SCN8A: variants seen among roughly 807,000 people sequenced by gnomAD.
SCN8A encodes the protein sodium voltage-gated channel alpha subunit 8.
A neutral mutation model predicts 184.1 loss-of-function variants in SCN8A; 30 were observed. The observed-to-expected ratio is 0.16, with a 90% CI of 0.12 to 0.22. SCN8A has a LOEUF of 0.22. Among genes scored for constraint, SCN8A ranks in the 10% least tolerant of loss-of-function variants. SCN8A has a pLI of 1.00. For missense variants in SCN8A, 1,057 were observed against 2,498.9 expected, an observed-to-expected ratio of 0.42 and a Z score of 12.30; for synonymous variants, 852 against 907.0, an observed-to-expected ratio of 0.94 and a Z score of 1.09.
chr12:51,791,365 C>G (rs1938247644), intron 25 of SCN8A, among the ~76,000 whole-genome samples: 1 of 152,188 alleles, frequency 6.6e-6, no homozygotes, highest in Admixed American at 6.5e-5. Flanking sequence ...GGTACATCTA[C>G]CGCATCAACT....
At chr12:51,618,173 A>G (rs879596658) in intron 1 of SCN8A, among the ~76,000 whole-genome samples, 1 of 152,094 alleles carries the variant, frequency 6.6e-6, no homozygotes, top group Middle Eastern at 3.2e-3. Context: ...TCAACGAAGC[A>G]AGGGAGGCTT....
chr12:51,716,114 G>T (rs1176667876), intron 11 of SCN8A, among the ~76,000 whole-genome samples: 1 of 152,174 alleles, frequency 6.6e-6, no homozygotes, highest in Non-Finnish European at 1.5e-5. Context: ...CGGGAGGATT[G>T]CTTTAGCCCA....
At chr12:51,755,792 C>G (rs1296664504) in intron 14 of SCN8A, among the ~76,000 whole-genome samples, 2 of 152,150 alleles carry the variant, frequency 1.3e-5, no homozygotes, top group East Asian at 1.9e-4. Context: ...TCCAACACTT[C>G]AAGATTCTTT....
chr12:51,717,767 C>T (rs1310992126), intron 11 of SCN8A, among the ~76,000 whole-genome samples: 1 of 152,218 alleles, frequency 6.6e-6, no homozygotes, highest in Non-Finnish European at 1.5e-5. Flanking sequence ...CTCCTTCTCT[C>T]TGGTACAAGG....
chr12:51,758,738 T>C (rs1293068276), intron 14 of SCN8A, among the ~76,000 whole-genome samples: 1 of 152,192 alleles, frequency 6.6e-6, no homozygotes, highest in African/African-American at 2.4e-5. Context: ...GTGCCTGGCC[T>C]CATGTCTGGT....
At chr12:51,696,215 A>G (rs1941590289) in intron 6 of SCN8A, among the ~76,000 whole-genome samples, 1 of 152,228 alleles carries the variant, frequency 6.6e-6, no homozygotes, top group Non-Finnish European at 1.5e-5. Flanking sequence ...AGATGGCTGT[A>G]TAGGCTTCAT....
intron 26 of SCN8A, among the ~76,000 whole-genome samples, chr12:51,801,696 G>T (rs992961663): frequency 6.6e-6 from 1 of 152,092 alleles, no homozygotes; most frequent in Admixed American, 6.6e-5. Context: ...TCCTTCCACC[G>T]TTGTCCTGCA....
At chr12:51,716,529 C>A (rs141584239) in intron 11 of SCN8A, among the ~76,000 whole-genome samples, 11 of 152,076 alleles carry the variant, frequency 7.2e-5, no homozygotes, top group African/African-American at 2.4e-4. Flanking sequence ...TAAAGACCTG[C>A]GGTAGGGTGG....
chr12:51,735,747 G>T (rs912198615), intron 12 of SCN8A, among the ~76,000 whole-genome samples: 2 of 152,238 alleles, frequency 1.3e-5, no homozygotes, highest in African/African-American at 4.8e-5. Flanking sequence ...GCAACCGGGG[G>T]GTCCTCGGGA....
At chr12:51,691,680 AC>A (rs1392672654) in intron 6 of SCN8A, among the ~76,000 whole-genome samples, 1 of 152,180 alleles carries the variant, frequency 6.6e-6, no homozygotes, top group Non-Finnish European at 1.5e-5. Flanking sequence ...GTGGAAAATA[AC>A]ATTAAGGGAT....
At chr12:51,803,535 C>T (rs1271892290) in intron 26 of SCN8A, among the ~76,000 whole-genome samples, 1 of 152,054 alleles carries the variant, frequency 6.6e-6, no homozygotes, top group Non-Finnish European at 1.5e-5. Flanking sequence ...AAACCACCTA[C>T]AGTACCCCTT....
At chr12:51,652,354 T>G (rs1336684077) in intron 1 of SCN8A, among the ~76,000 whole-genome samples, 1 of 152,172 alleles carries the variant, frequency 6.6e-6, no homozygotes, top group Non-Finnish European at 1.5e-5. Flanking sequence ...TACAATAGTC[T>G]TCTTCCTGGT....
intron 13 of SCN8A, 137 bp from the exon 14 acceptor site, chr12:51,751,218 A>T: frequency 1.5e-6 from 1 of 648,698 alleles, no homozygotes. Context: ...GAGAGAAGGA[A>T]AACACTTAGG....
intron 6 of SCN8A, among the ~76,000 whole-genome samples, chr12:51,693,435 C>T (rs150445833): frequency 3.7e-4 from 56 of 152,284 alleles, no homozygotes; most frequent in African/African-American, 1.3e-3. Context: ...CTAGAGTCCC[C>T]CAATCTCTTT....
chr12:51,731,294 A>G (rs868433039), intron 12 of SCN8A, among the ~76,000 whole-genome samples: 11 of 151,638 alleles, frequency 7.3e-5, no homozygotes, highest in Non-Finnish European at 1.2e-4. Context: ...CTGGAGTGCA[A>G]TGGCACAATC....
At chr12:51,678,290 T>TC (rs1941261470) in intron 2 of SCN8A, among the ~76,000 whole-genome samples, 1 of 152,038 alleles carries the variant, frequency 6.6e-6, no homozygotes, top group African/African-American at 2.4e-5. Flanking sequence ...TGCTCTATGC[T>TC]CCCCCCTGCT....
intron 1 of SCN8A, among the ~76,000 whole-genome samples, chr12:51,619,038 C>T (rs1174503928): frequency 2.6e-5 from 4 of 152,130 alleles, no homozygotes; most frequent in African/African-American, 9.7e-5. Flanking sequence ...TGGAGGCAAC[C>T]ACTTCCCAGT....
At position 51,807,185 on chromosome 12, in the gene SCN8A, T is replaced by TGGTCCTGCAGC; in HGVS notation, c.5701_5711dup (p.Ala1905SerfsTer50). On this transcript the variant is annotated frameshift_variant, in exon 27 of 27. Transcript: ENST00000627620. LOFTEE classifies it high-confidence loss of function. This position sits in a 1 kb window ranked among gnomAD's most constrained non-coding sequence, Gnocchi z 4.5. ...CGCAAGCAGGAGGAGGTATCTGCAG[T>TGGTCCTGCAGC]GGTCCTGCAGCGTGCCTACCGGGGA... 6.2e-7 allele frequency: 1 copy of TGGTCCTGCAGC among 1,613,922 alleles called. No homozygotes were observed. The highest frequency in any genetic ancestry group is 8.5e-7 in the Non-Finnish European group (1 of 1,179,864).
At position 51,769,092 on chromosome 12, in the gene SCN8A, C is replaced by G. The variant is rs199680789; in HGVS notation, c.3129C>G (p.Asn1043Lys). The part of the protein sequence containing the change: ...PLDELYEKKA[N>K]CIANHTGADI... Reference sequence around the variant, plus strand: ...ATGAGTTGTATGAAAAGAAGGCCAACTGTATCGCCAATCACACCGGTGCAG... The same window carrying G: ...ATGAGTTGTATGAAAAGAAGGCCAAGTGTATCGCCAATCACACCGGTGCAG... Residue 1043 changes from asparagine (N) to lysine (K), a missense_variant, in exon 17 of 27, where the codon AAC becomes AAG. Coordinates refer to ENST00000627620, the MANE Select transcript of SCN8A (RefSeq NM_001330260.2). 3 of 1,613,830 alleles carry G rather than the reference C, an allele frequency of 1.9e-6. No individual in the cohort carries two copies. In the Admixed American group the frequency reaches 5.0e-5, roughly 27 times the overall value.
Sources: allele counts gnomAD v4.1 joint callset (sites outside exome capture counted in the v4.1 genomes callset), GRCh38; gene constraint gnomAD v4.1.1; non-coding constraint Gnocchi (gnomAD v3.1); transcripts MANE v1.5; gene names NCBI Gene and HGNC (gene_info 2026-07-23, HGNC 2026-07-21).